Variants in SWAP70 observed in about 807,000 individuals in gnomAD.
The protein encoded by SWAP70 is switch-associated protein 70.
Under a neutral mutation model 80.2 loss-of-function variants are expected in SWAP70, and 34 were observed. That is an observed-to-expected ratio of 0.42 (90% confidence interval 0.32 to 0.56). The LOEUF (loss-of-function observed/expected upper bound fraction) is 0.56. SWAP70 is among the 20% of genes least tolerant of loss of function. SWAP70 has a pLI of 0.09. For synonymous variants in SWAP70, 239 were observed against 238.5 expected, an observed-to-expected ratio of 1.00 and a Z score of -0.02; for missense variants, 578 against 690.7, an observed-to-expected ratio of 0.84 and a Z score of 1.83.
intron 10 of SWAP70, 81 bp downstream of exon 10, chr11:9,748,137 G>A (rs1031736876): frequency 1.5e-5 from 21 of 1,399,800 alleles, no homozygotes; most frequent in Non-Finnish European, 2.0e-5. Context: ...TTGCTTAGCT[G>A]CCAATATGAA....
rs114696283 is a variant in SWAP70, at chr11:9,670,671, C to T, written c.99+6393C>T. On this transcript the variant is annotated intron_variant, in intron 1 of 11. Transcript: ENST00000318950. ...AGAGATAAGAACCCCTTTGGGGCAA[C>T]GCTGGAGCTGAGGGAGAAAACTTTT... 2.7e-3 allele frequency among the ~76,000 whole-genome samples: 406 copies of T among 152,146 alleles called. 4 individuals are homozygous for T. The highest frequency in any genetic ancestry group is 9.4e-3 in the African/African-American group (391 of 41,524).
chr11:9,749,943 C>T lies in SWAP70; in HGVS notation c.1731C>T (p.Asn577=), dbSNP rs1851563592. The change falls in exon 12 of 12, where the codon AAC becomes AAT. Residue 577 remains asparagine (N), a synonymous_variant. Transcript: ENST00000318950. Reference sequence around the variant, plus strand: ...CAGAACTTGAAGAGAGAGAGAAGAACTGGAAAGAGAAAAAGACCACGGAGT... The same window carrying T: ...CAGAACTTGAAGAGAGAGAGAAGAATTGGAAAGAGAAAAAGACCACGGAGT... ...TEAELEEREK[N]WKEKKTTE The T allele has an allele frequency of 1.2e-6, 2 of 1,613,654 alleles. No homozygotes were observed. The highest frequency in any genetic ancestry group is 2.7e-5 in the African/African-American group (2 of 74,908).
At chr11:9,679,001 C>T (rs555828210) in intron 1 of SWAP70, among the ~76,000 whole-genome samples, 1 of 152,260 alleles carries the variant, frequency 6.6e-6, no homozygotes, top group African/African-American at 2.4e-5. Context: ...ATCCTACCTT[C>T]GTGTTCCTTT....
At chr11:9,672,425 C>T (rs1565110440) in intron 1 of SWAP70, among the ~76,000 whole-genome samples, 1 of 151,168 alleles carries the variant, frequency 6.6e-6, no homozygotes, top group African/African-American at 2.4e-5. Flanking sequence ...AGTGCAGTGG[C>T]ACGATCATAG....
intron 1 of SWAP70, among the ~76,000 whole-genome samples, chr11:9,672,151 T>G (rs1422557535): frequency 2.3e-5 from 3 of 129,788 alleles, no homozygotes; most frequent in African/African-American, 8.6e-5. Context: ...AAATAATATT[T>G]ATAAATAATA....
At chr11:9,669,598 G>T (rs183916657) in intron 1 of SWAP70, among the ~76,000 whole-genome samples, 73 of 152,280 alleles carry the variant, frequency 4.8e-4, no homozygotes, top group African/African-American at 1.7e-3. Context: ...TACTGCAAGA[G>T]ATGGGAATGA....
intron 2 of SWAP70, among the ~76,000 whole-genome samples, chr11:9,711,856 T>A (rs1361700945): frequency 6.6e-6 from 1 of 152,286 alleles, no homozygotes; most frequent in East Asian, 1.9e-4. Flanking sequence ...CCCAAGGTGG[T>A]TCCTGTTACT....
intron 1 of SWAP70, 54 bp downstream of exon 1, chr11:9,664,332 C>G: frequency 6.6e-7 from 1 of 1,521,194 alleles, no homozygotes; most frequent in Non-Finnish European, 8.9e-7. Flanking sequence ...GCGCTCTGTA[C>G]TTCCCTTGGG....
At chr11:9,725,616 G>A (rs185740888) in intron 4 of SWAP70, among the ~76,000 whole-genome samples, 112 of 137,018 alleles carry the variant, frequency 8.2e-4, no homozygotes, top group African/African-American at 2.8e-3. Flanking sequence ...GCTGTCACCA[G>A]GCTGGAGTGC....
At chr11:9,743,850 C>A (rs1454663710) in intron 9 of SWAP70, among the ~76,000 whole-genome samples, 2 of 151,518 alleles carry the variant, frequency 1.3e-5, no homozygotes, top group East Asian at 3.9e-4. Context: ...ATGGATAGTT[C>A]TTTCTCTGTC....
At chr11:9,687,338 A>G (rs1850645195) in intron 1 of SWAP70, among the ~76,000 whole-genome samples, 1 of 152,234 alleles carries the variant, frequency 6.6e-6, no homozygotes, top group Non-Finnish European at 1.5e-5. Flanking sequence ...TAGCCATACA[A>G]TCCAAAAGTT....
intron 2 of SWAP70, among the ~76,000 whole-genome samples, chr11:9,710,929 A>T (rs1850989346): frequency 1.3e-5 from 2 of 150,754 alleles, no homozygotes; most frequent in Admixed American, 6.6e-5. Context: ...AGGAATCTTT[A>T]TGCTTTGGCC....
chr11:9,685,525 G>T (rs190425035), intron 1 of SWAP70, among the ~76,000 whole-genome samples: 292 of 152,210 alleles, frequency 1.9e-3, no homozygotes, highest in African/African-American at 6.8e-3. Context: ...CATGGCAGAA[G>T]GGCAAAAGAG....
chr11:9,687,651 C>T lies in SWAP70; in HGVS notation c.100-6495C>T, dbSNP rs868019690. ...CAGTGCCATCCATGCTGTATGACATCAGTGGCATATATTCTGTGGACAGCA... is the reference window on the plus strand; with the variant it reads ...CAGTGCCATCCATGCTGTATGACATTAGTGGCATATATTCTGTGGACAGCA... On this transcript the variant is annotated intron_variant, in intron 1 of 11. Coordinates refer to ENST00000318950, the MANE Select transcript of SWAP70 (RefSeq NM_015055.4). 2.0e-5 allele frequency among the ~76,000 whole-genome samples: 3 copies of T among 152,140 alleles called. 1 individual carries two copies. The South Asian group carries it at 6.2e-4, about 31-fold the overall frequency.
Position 9,669,752 on chromosome 11 carries a change from TTTGA to T in SWAP70, c.99+5478_99+5481del, listed in dbSNP as rs150146593. Among the ~76,000 whole-genome samples, 69 of 152,256 alleles carry T rather than the reference TTTGA, an allele frequency of 4.5e-4. No homozygotes were observed. In the East Asian group the frequency reaches 0.012, roughly 26 times the overall value. On this transcript the variant is annotated intron_variant, in intron 1 of 11. Coordinates refer to ENST00000318950, the MANE Select transcript of SWAP70 (RefSeq NM_015055.4). ...AGATTGGGGTTAATGCATAGAAAGC[TTTGA>T]TTGCCACACAAATTAGGTGTATGCC...
At chr11:9,677,117 A>G (rs190036009) in intron 1 of SWAP70, among the ~76,000 whole-genome samples, 2 of 152,034 alleles carry the variant, frequency 1.3e-5, no homozygotes, top group East Asian at 3.9e-4. Flanking sequence ...AACCTTATTA[A>G]TGTGGCACCT....
At chr11:9,710,066 C>A (rs900157247) in intron 2 of SWAP70, among the ~76,000 whole-genome samples, 3 of 150,694 alleles carry the variant, frequency 2.0e-5, no homozygotes, top group Non-Finnish European at 4.4e-5. Flanking sequence ...GAGGAAGAGG[C>A]GGAAGTTGTT....
intron 7 of SWAP70, among the ~76,000 whole-genome samples, chr11:9,733,368 T>C (rs560744940): frequency 1.3e-5 from 2 of 152,318 alleles, no homozygotes; most frequent in African/African-American, 4.8e-5. Flanking sequence ...AACCACAAGC[T>C]CAAGGACTCT....
chr11:9,705,360 G>T (rs111793485), intron 2 of SWAP70, among the ~76,000 whole-genome samples: 1 of 118,630 alleles, frequency 8.4e-6, no homozygotes, highest in African/African-American at 4.5e-5. Context: ...GGTGATCTGT[G>T]TATACTTGGT....
Sources: gnomAD v4.1 joint callset for allele counts (sites outside exome capture counted in the v4.1 genomes callset) on GRCh38, gnomAD v4.1.1 for gene constraint, MANE v1.5 for transcripts, NCBI Gene and HGNC (gene_info 2026-07-23, HGNC 2026-07-21) for gene names.